Variants in EXT1 observed in about 807,000 individuals in gnomAD.
The protein encoded by EXT1 is exostosin-1.
A neutral mutation model predicts 82.5 loss-of-function variants in EXT1; 20 were observed. That is an observed-to-expected ratio of 0.24 (90% CI 0.17 to 0.35). The LOEUF is 0.35. Ranked by LOEUF, EXT1 falls within the 10% of genes least tolerant of loss-of-function variation. EXT1 has a pLI of 1.00. For synonymous variants in EXT1, 348 were observed against 350.8 expected, an observed-to-expected ratio of 0.99 and a Z score of 0.09; for missense variants, 757 against 936.5, an observed-to-expected ratio of 0.81 and a Z score of 2.50.
At chr8:118,000,720 T>A (rs1286586641) in intron 1 of EXT1, among the ~76,000 whole-genome samples, 1 of 152,216 alleles carries the variant, frequency 6.6e-6, no homozygotes. Flanking sequence ...TCCCAATGTC[T>A]TCTTGCAATT....
chr8:117,944,997 C>A (rs1168910445), intron 1 of EXT1, among the ~76,000 whole-genome samples: 4 of 151,932 alleles, frequency 2.6e-5, no homozygotes, highest in Admixed American at 6.6e-5. Context: ...CCCGTCTCTA[C>A]TAAAAATACA....
At chr8:117,916,926 A>G (rs906493359) in intron 1 of EXT1, among the ~76,000 whole-genome samples, 4 of 152,004 alleles carry the variant, frequency 2.6e-5, no homozygotes, top group African/African-American at 9.7e-5. Flanking sequence ...TAATAATAAA[A>G]TAAAAAATAA....
At chr8:118,100,598 T>A (rs1049449451) in intron 1 of EXT1, among the ~76,000 whole-genome samples, 2 of 151,896 alleles carry the variant, frequency 1.3e-5, no homozygotes, top group Admixed American at 1.3e-4. Context: ...ATACAAAAAT[T>A]AGCTGGGCAT....
At chr8:118,013,789 T>G (rs185851638) in intron 1 of EXT1, among the ~76,000 whole-genome samples, 1 of 152,352 alleles carries the variant, frequency 6.6e-6, no homozygotes, top group East Asian at 1.9e-4. Context: ...GTAAGTATGT[T>G]CAAATATTTC....
intron 1 of EXT1, among the ~76,000 whole-genome samples, chr8:118,042,588 G>A (rs918764814): frequency 3.3e-5 from 5 of 152,026 alleles, no homozygotes; most frequent in Admixed American, 2.6e-4. Context: ...AGCCTCTGGG[G>A]GCACCTGGCC....
At chr8:117,864,748 CA>C (rs34215192) in intron 1 of EXT1, among the ~76,000 whole-genome samples, 5,738 of 87,870 alleles carry the variant, frequency 0.065, 142 homozygotes, top group African/African-American at 0.16. Context: ...GACTCTGCCT[CA>C]AAAAAAAAAA....
chr8:117,896,856 C>T (rs1390695044), intron 1 of EXT1, among the ~76,000 whole-genome samples: 1 of 152,122 alleles, frequency 6.6e-6, no homozygotes, highest in East Asian at 1.9e-4. Context: ...TTCAGTGCCC[C>T]TCAATGAAGG....
intron 8 of EXT1, 44 bp from the exon 9 acceptor site, chr8:117,807,421 CA>C (rs1357128623): frequency 8.7e-6 from 14 of 1,609,972 alleles, no homozygotes; most frequent in Non-Finnish European, 1.2e-5. Context: ...ACAGTGTTAA[CA>C]AATGTCAACA....
chr8:118,096,769 T>C (rs541870353), intron 1 of EXT1, among the ~76,000 whole-genome samples: 1 of 151,924 alleles, frequency 6.6e-6, no homozygotes, highest in Non-Finnish European at 1.5e-5. Flanking sequence ...TGGGAGAAAC[T>C]TCCCATTTGA....
intron 1 of EXT1, among the ~76,000 whole-genome samples, chr8:117,994,202 G>A (rs952748175): frequency 2.0e-5 from 3 of 152,144 alleles, no homozygotes; most frequent in African/African-American, 7.2e-5. Flanking sequence ...TGCTTACCAC[G>A]TACATTTAGA....
intron 1 of EXT1, among the ~76,000 whole-genome samples, chr8:117,861,435 G>A (rs1044797911): frequency 3.3e-5 from 5 of 151,790 alleles, no homozygotes; most frequent in Admixed American, 6.6e-5. Flanking sequence ...GATTTTGGGG[G>A]GTATGTATGA....
intron 1 of EXT1, among the ~76,000 whole-genome samples, chr8:117,904,205 G>A (rs572750057): frequency 6.6e-6 from 1 of 152,218 alleles, no homozygotes; most frequent in South Asian, 2.1e-4. Context: ...CTATTTCCAG[G>A]ACTACAATTA....
chr8:117,827,451 T>C (rs116927194), intron 4 of EXT1, among the ~76,000 whole-genome samples: 2,054 of 152,110 alleles, frequency 0.014, 28 homozygotes, highest in Non-Finnish European at 0.018. Context: ...AAACAACTAA[T>C]AGGATAGAAT....
At chr8:118,005,989 T>C (rs931070775) in intron 1 of EXT1, among the ~76,000 whole-genome samples, 2 of 152,238 alleles carry the variant, frequency 1.3e-5, no homozygotes, top group African/African-American at 4.8e-5. Flanking sequence ...ACAATTCTTA[T>C]TACTCTATAG....
At chr8:117,999,960 G>GTA (rs10660296) in intron 1 of EXT1, among the ~76,000 whole-genome samples, 41,043 of 150,696 alleles carry the variant, frequency 0.27, 5,660 homozygotes, top group Middle Eastern at 0.39. Flanking sequence ...GTATGTGCGT[G>GTA]TATATATATA....
chr8:118,028,602 G>A (rs550187894), intron 1 of EXT1, among the ~76,000 whole-genome samples: 37 of 151,804 alleles, frequency 2.4e-4, no homozygotes, highest in Admixed American at 2.2e-3. Flanking sequence ...GTTGACAAAT[G>A]AGTCAATTAT....
chr8:118,102,123 C>T (rs1038333178), intron 1 of EXT1, among the ~76,000 whole-genome samples: 2 of 151,696 alleles, frequency 1.3e-5, no homozygotes, highest in South Asian at 2.1e-4. Context: ...AAAAATTAGC[C>T]GGGTGTGGTG....
intron 1 of EXT1, among the ~76,000 whole-genome samples, chr8:117,939,178 C>G (rs1421498024): frequency 1.3e-5 from 2 of 152,182 alleles, no homozygotes; most frequent in Non-Finnish European, 2.9e-5. Flanking sequence ...ATAACAACAG[C>G]CAACATCTGT....
At chr8:117,917,308 T>C (rs1813770823) in intron 1 of EXT1, among the ~76,000 whole-genome samples, 1 of 152,018 alleles carries the variant, frequency 6.6e-6, no homozygotes, top group South Asian at 2.1e-4. Flanking sequence ...ATCCCGTCTC[T>C]ACCAAAAATA....
Sources: allele counts gnomAD v4.1 joint callset (sites outside exome capture counted in the v4.1 genomes callset), GRCh38; gene constraint gnomAD v4.1.1; transcripts MANE v1.5; gene names NCBI Gene and HGNC (gene_info 2026-07-23, HGNC 2026-07-21).